The following ZNF333 variants were observed in gnomAD, a reference collection of about 807,000 sequenced individuals.
The protein encoded by ZNF333 is zinc finger protein 333.
ZNF333 carries 61 observed loss-of-function variants against 76.1 expected under a neutral mutation model. That is an observed-to-expected ratio of 0.80 (90% CI 0.65 to 0.99). The LOEUF (loss-of-function observed/expected upper bound fraction) is 0.99. Ranked by LOEUF, ZNF333 falls within the 50% of genes least tolerant of loss-of-function variation. ZNF333 has a pLI of 0.00. For synonymous variants in ZNF333, 284 were observed against 305.0 expected, an observed-to-expected ratio of 0.93 and a Z score of 0.72; for missense variants, 717 against 822.4, an observed-to-expected ratio of 0.87 and a Z score of 1.57.
chr19:14,699,428 C>T (rs1973523243), intron 5 of ZNF333, 147 bp downstream of exon 5: 1 of 673,356 alleles, frequency 1.5e-6, no homozygotes, highest in Non-Finnish European at 2.5e-6. Flanking sequence ...GTGCCTGTGA[C>T]TTCTGAATTT....
rs771277096 is a variant in ZNF333 at position 14,719,329 on chromosome 19, C to G, written c.*4C>G. 1 of 1,590,640 alleles carries G rather than the reference C, an allele frequency of 6.3e-7. No individual in the cohort carries two copies. The highest frequency in any genetic ancestry group is 8.6e-7 in the Non-Finnish European group (1 of 1,169,168). ...CTGTGGGCCCCTTGCTAATTAACTT[C>G]CATTTTGTAAAAATATAAACACATG... is the stretch of plus-strand genomic sequence containing the variant. On this transcript the variant is annotated 3_prime_UTR_variant, in exon 12 of 12. Transcript: ENST00000292530.
At chr19:14,715,817 G>A (rs968104545) in intron 8 of ZNF333, among the ~76,000 whole-genome samples, 5 of 152,174 alleles carry the variant, frequency 3.3e-5, no homozygotes, top group Non-Finnish European at 7.4e-5. Context: ...GCTAGAAGGG[G>A]GACAAATCTG....
At position 14,705,175 on chromosome 19, in the gene ZNF333, G is replaced by A. The variant is rs745421353; in HGVS notation, c.423+5G>A. On this transcript the variant is annotated splice_donor_5th_base_variant and intron_variant, in intron 6 of 11. Transcript: ENST00000292530. ...CCTTGGTCTCTGGGATGCACGGTAA[G>A]CCTGGGAGAGGTTCACTGTGATGGC... The A allele has an allele frequency of 5.0e-6, 8 of 1,612,194 alleles. No homozygotes were observed. The South Asian group carries it at 8.8e-5, about 18-fold the overall frequency.
At chr19:14,698,154 C>G (rs1182378353) in intron 4 of ZNF333, among the ~76,000 whole-genome samples, 6 of 151,434 alleles carry the variant, frequency 4.0e-5, no homozygotes, top group Non-Finnish European at 5.9e-5. Context: ...GGGTGGATCA[C>G]TTCAGGTCAG....
intron 5 of ZNF333, among the ~76,000 whole-genome samples, chr19:14,700,636 T>G (rs530639541): frequency 3.5e-4 from 54 of 152,226 alleles, no homozygotes; most frequent in Non-Finnish European, 6.0e-4. Context: ...GGCCCTGAAT[T>G]TCCTCCGCCT....
chr19:14,701,430 G>A (rs948878687), intron 5 of ZNF333, among the ~76,000 whole-genome samples: 2 of 152,114 alleles, frequency 1.3e-5, no homozygotes, highest in Non-Finnish European at 1.5e-5. Context: ...TTTTGGAGAC[G>A]AAGTCTTGCT....
In ZNF333 at chr19:14,690,117, C is replaced by T. The variant is rs1009607934; in HGVS notation, c.-75C>T. 3 of 128,114 alleles carry T rather than the reference C, an allele frequency of 2.3e-5. No individual in the cohort carries two copies. The highest frequency in any genetic ancestry group is 4.7e-5 in the Non-Finnish European group (3 of 64,186). 7.9% of individuals were successfully genotyped at this position (128,114 alleles called of 1,614,324 possible). ...CTGCGCGGCGCGGCGCGGTGCGGCA[C>T]GGCACGGTGGGAGTGTCTCCGGCTG... is the stretch of plus-strand genomic sequence containing the variant. On this transcript the variant is annotated 5_prime_UTR_variant, in exon 1 of 12. In the 5' UTR this introduces an upstream ATG that the reference lacks. Transcript: ENST00000292530.
intron 10 of ZNF333, 38 bp from the exon 11 acceptor site, chr19:14,717,619 T>C: frequency 6.3e-7 from 1 of 1,583,570 alleles, no homozygotes; most frequent in Non-Finnish European, 8.7e-7. Context: ...AGTTTCTTTC[T>C]CTGTGTGCTT....
chr19:14,706,135 G>A (rs908780654), intron 6 of ZNF333: 3 of 457,558 alleles, frequency 6.6e-6, no homozygotes, highest in Non-Finnish European at 1.3e-5. Context: ...CAGAGCCACC[G>A]TTAGTTCTCC....
At chr19:14,717,448 C>A (rs2042466668) in intron 10 of ZNF333, 1 of 564,732 alleles carries the variant, frequency 1.8e-6, no homozygotes, top group African/African-American at 1.9e-5. Flanking sequence ...TCCCATGTTC[C>A]TCTGATTACA....
At chr19:14,715,139 G>A (rs2042389421) in intron 7 of ZNF333, 3 of 474,906 alleles carry the variant, frequency 6.3e-6, no homozygotes, top group South Asian at 6.3e-5. Flanking sequence ...GTATGTAACT[G>A]TGTATATGTG....
intron 7 of ZNF333, among the ~76,000 whole-genome samples, chr19:14,707,445 TG>T (rs1568540657): frequency 6.6e-6 from 1 of 151,532 alleles, no homozygotes; most frequent in African/African-American, 2.4e-5. Context: ...TCCTGAGAAG[TG>T]GGGAAGAAAT....
rs749810013 is a variant in ZNF333, at chr19:14,699,225, G to C, written c.250G>C (p.Glu84Gln). The C allele has an allele frequency of 1.9e-6, 3 of 1,613,914 alleles. No individual in the cohort carries two copies. Among genetic ancestry groups the C allele is most frequent in the Non-Finnish European group, 2.5e-6 (3 of 1,179,904 alleles). Residue 84 changes from glutamate to glutamine, a missense_variant, in exon 5 of 12, where the codon GAG (glutamate) becomes CAG (glutamine). Transcript: ENST00000292530. ...VAWESQLKPE[E>Q]LPSMQDLLEE... ...CTGGGAATCTCAACTTAAACCCGAA[G>C]AGTTGCCTTCTATGCAGGATCTTTT... is the stretch of plus-strand genomic sequence containing the variant.
rs1399138883 is a variant in ZNF333 at position 14,719,292 on chromosome 19, G to A, written c.1965G>A (p.Met655Ile). ...TIRNGSLPLS[M>I]SHPYCGPLAN ...GGAATGGCAGCCTGCCTTTATCCAT[G>A]TCTCATCCATACTGTGGGCCCCTTG... is the stretch of plus-strand genomic sequence containing the variant. The change falls in exon 12 of 12, where the codon ATG becomes ATA. Residue 655 changes from methionine (M) to isoleucine (I), a missense_variant. Physicochemically the swap from Met to Ile is conservative, Grantham distance 10. Coordinates refer to ENST00000292530, the MANE Select transcript of ZNF333 (RefSeq NM_032433.4). The A allele has an allele frequency of 6.2e-7, 1 of 1,613,866 alleles. No individual in the cohort carries two copies. The highest frequency in any genetic ancestry group is 8.5e-7 in the Non-Finnish European group (1 of 1,179,868).
intron 11 of ZNF333, among the ~76,000 whole-genome samples, chr19:14,728,951 A>G (rs868108955): frequency 6.6e-6 from 1 of 152,172 alleles, no homozygotes. Context: ...CCGATTGGCT[A>G]CTTGCGAATA....
intron 11 of ZNF333, among the ~76,000 whole-genome samples, chr19:14,727,120 T>C (rs954379388): frequency 2.8e-5 from 4 of 141,390 alleles, no homozygotes; most frequent in East Asian, 4.6e-4. Context: ...CTCCGCCTCC[T>C]GGGTTCACAC....
In ZNF333 at chr19:14,720,902, T is replaced by C. The variant is rs1568561862; in HGVS notation, c.*1577T>C. The C allele has an allele frequency of 2.3e-6, 2 of 877,220 alleles. No individual in the cohort carries two copies. Among genetic ancestry groups the C allele is most frequent in the Non-Finnish European group, 1.4e-6 (1 of 731,874 alleles). 54.3% of individuals were successfully genotyped at this position (877,220 alleles called of 1,614,324 possible). On this transcript the variant is annotated 3_prime_UTR_variant, in exon 12 of 12. Coordinates refer to ENST00000292530, the MANE Select transcript of ZNF333 (RefSeq NM_032433.4). ...TTTTAAATTTATGTATATACATACA[T>C]ATATATGTTTTGAAGCAATGAAATT...
chr19:14,715,029 G>A, intron 7 of ZNF333: 1 of 133,156 alleles, frequency 7.5e-6, no homozygotes, highest in South Asian at 1.1e-4. Flanking sequence ...GATATGGAAT[G>A]AAGGCGTGCG....
Position 14,719,539 on chromosome 19 carries a change from A to G in ZNF333, c.*214A>G. ...GTGGATATATTTTCATAGAGGTATA[A>G]TGACTTATAGTGAAATGCATACATC... On this transcript the variant is annotated 3_prime_UTR_variant, in exon 12 of 12. Coordinates refer to ENST00000292530, the MANE Select transcript of ZNF333 (RefSeq NM_032433.4). 1.8e-6 allele frequency: 2 copies of G among 1,094,412 alleles called. No homozygotes were observed. Among genetic ancestry groups the G allele is most frequent in the Non-Finnish European group, 2.5e-6 (2 of 808,314 alleles). 67.8% of individuals were successfully genotyped at this position (1,094,412 alleles called of 1,614,324 possible).
Sources: allele counts gnomAD v4.1 joint callset (sites outside exome capture counted in the v4.1 genomes callset), GRCh38; gene constraint gnomAD v4.1.1; transcripts MANE v1.5; gene names NCBI Gene and HGNC (gene_info 2026-07-23, HGNC 2026-07-21).